Variants in ANKRD17 observed in about 807,000 individuals in gnomAD.
ANKRD17 encodes the protein ankyrin repeat domain-containing protein 17.
ANKRD17 carries 19 observed loss-of-function variants against 229.7 expected under a neutral mutation model. That is an observed-to-expected ratio of 0.08 (90% CI 0.06 to 0.12). ANKRD17 has a LOEUF of 0.12. ANKRD17 is among the 10% of genes least tolerant of loss of function. The probability of loss-of-function intolerance (pLI) is 1.00; values close to 1 mark genes in which losing one functional copy is unlikely to be tolerated. For missense variants in ANKRD17, 2,176 were observed against 3,176.8 expected (o/e 0.68, Z 7.57); for synonymous variants, 1,112 against 1,146.1 (o/e 0.97, Z 0.60).
intron 1 of ANKRD17, among the ~76,000 whole-genome samples, chr4:73,247,376 T>C (rs908611993): frequency 6.6e-6 from 1 of 152,010 alleles, no homozygotes; most frequent in Admixed American, 6.5e-5. Context: ...CAGGAATCCA[T>C]CCCAAAGAAA....
At chr4:73,241,647 A>G (rs1379387359) in intron 1 of ANKRD17, among the ~76,000 whole-genome samples, 1 of 151,796 alleles carries the variant, frequency 6.6e-6, no homozygotes, top group Non-Finnish European at 1.5e-5. Context: ...TAAGACTAAA[A>G]GGAAAAAGGA....
At position 73,118,867 on chromosome 4, in the gene ANKRD17, C is replaced by T; in HGVS notation, c.4026-17G>A. 1 of 1,452,788 alleles carries T rather than the reference C, an allele frequency of 6.9e-7. No individual in the cohort carries two copies. The highest frequency in any genetic ancestry group is 9.4e-7 in the Non-Finnish European group (1 of 1,059,362). 90.0% of individuals were successfully genotyped at this position (1,452,788 alleles called of 1,614,324 possible). On this transcript the variant is annotated splice_polypyrimidine_tract_variant and intron_variant, in intron 21 of 33. Transcript: ENST00000358602. The stretch of plus-strand genomic sequence containing the variant: ...TGAGCTCCCCTAAAAACCAATGACA[C>T]AGATAGCATTGTCTTTTTTTTTTTT...
intron 15 of ANKRD17, among the ~76,000 whole-genome samples, chr4:73,138,061 T>C (rs1578162201): frequency 6.6e-6 from 1 of 152,198 alleles, no homozygotes; most frequent in South Asian, 2.1e-4. Context: ...ATACATCCTT[T>C]AGTAGTTTCA....
At chr4:73,092,769 T>C (rs1722908590) in intron 28 of ANKRD17, among the ~76,000 whole-genome samples, 1 of 152,166 alleles carries the variant, frequency 6.6e-6, no homozygotes, top group South Asian at 2.1e-4. Context: ...GAAAACAGTA[T>C]TTTATTTTAA....
At chr4:73,198,990 G>C (rs974139122) in intron 1 of ANKRD17, among the ~76,000 whole-genome samples, 3 of 152,070 alleles carry the variant, frequency 2.0e-5, no homozygotes, top group Non-Finnish European at 2.9e-5. Flanking sequence ...ACTACTCTTT[G>C]GGAACAAATT....
intron 1 of ANKRD17, among the ~76,000 whole-genome samples, chr4:73,257,536 A>G (rs1745561910): frequency 6.6e-6 from 1 of 152,246 alleles, no homozygotes; most frequent in Non-Finnish European, 1.5e-5. Flanking sequence ...ATTCGAAGGC[A>G]TGTATGTATG....
At chr4:73,147,712 A>T (rs2148849065) in intron 8 of ANKRD17, among the ~76,000 whole-genome samples, 1 of 152,188 alleles carries the variant, frequency 6.6e-6, no homozygotes, top group Non-Finnish European at 1.5e-5. Context: ...AATAAGCTAC[A>T]TCCTCTCATT....
intron 1 of ANKRD17, among the ~76,000 whole-genome samples, chr4:73,182,339 C>T (rs975732849): frequency 2.0e-5 from 3 of 151,930 alleles, no homozygotes; most frequent in East Asian, 1.9e-4. Flanking sequence ...ATGCAAGAGG[C>T]GTAGAAATCA....
chr4:73,197,077 T>C (rs954241803), intron 1 of ANKRD17, among the ~76,000 whole-genome samples: 2 of 152,198 alleles, frequency 1.3e-5, no homozygotes, highest in Admixed American at 6.5e-5. Flanking sequence ...TTAGGACCTC[T>C]GAGCCACCAA....
At chr4:73,233,402 T>C (rs1170800057) in intron 1 of ANKRD17, among the ~76,000 whole-genome samples, 2 of 152,234 alleles carry the variant, frequency 1.3e-5, no homozygotes, top group Non-Finnish European at 2.9e-5. Flanking sequence ...TCTAGGTTGA[T>C]TCTAAAACAG....
chr4:73,220,999 A>G (rs897640753), intron 1 of ANKRD17, among the ~76,000 whole-genome samples: 1 of 152,138 alleles, frequency 6.6e-6, no homozygotes, highest in African/African-American at 2.4e-5. Flanking sequence ...AGAAAATGGT[A>G]CATTTATCTG....
At chr4:73,126,564 T>G (rs1471778584) in intron 16 of ANKRD17, among the ~76,000 whole-genome samples, 4 of 152,124 alleles carry the variant, frequency 2.6e-5, no homozygotes, top group African/African-American at 9.7e-5. Flanking sequence ...TACTGTGTAT[T>G]TTGAAAAACA....
intron 1 of ANKRD17, among the ~76,000 whole-genome samples, chr4:73,248,216 C>A (rs970117831): frequency 6.6e-6 from 1 of 151,932 alleles, no homozygotes; most frequent in Non-Finnish European, 1.5e-5. Context: ...AAAAATCGTA[C>A]ATACAGACCT....
chr4:73,197,266 A>G (rs564310344), intron 1 of ANKRD17, among the ~76,000 whole-genome samples: 2 of 152,326 alleles, frequency 1.3e-5, no homozygotes, highest in East Asian at 3.9e-4. Context: ...CATTATGAAA[A>G]TCAAGGCTTA....
chr4:73,212,536 C>T (rs968417367), intron 1 of ANKRD17, among the ~76,000 whole-genome samples: 2 of 151,618 alleles, frequency 1.3e-5, no homozygotes, highest in Non-Finnish European at 2.9e-5. Flanking sequence ...AGCTATCTCC[C>T]TTGACTTTAT....
In ANKRD17 at chr4:73,258,338, TGCCGCCGCCGCCACCTCCGCCTCCACC is replaced by T. The variant is rs746757275; in HGVS notation, c.304_330del (p.Gly102_Gly110del). ...TCTTCCTCGCTGTTGTTACTGCTGG[TGCCGCCGCCGCCACCTCCGCCTCCACC>T]GCCGCCTCCACCGCCGCCGCTGTTG... On this transcript the variant is annotated inframe_deletion, in exon 1 of 34. Transcript: ENST00000358602. 1 of 1,613,182 alleles carries T rather than the reference TGCCGCCGCCGCCACCTCCGCCTCCACC, an allele frequency of 6.2e-7. No homozygotes were observed. Among genetic ancestry groups the T allele is most frequent in the Non-Finnish European group, 8.5e-7 (1 of 1,179,846 alleles).
intron 16 of ANKRD17, among the ~76,000 whole-genome samples, chr4:73,128,682 A>AG (rs1268790962): frequency 2.6e-5 from 4 of 152,214 alleles, no homozygotes; most frequent in Non-Finnish European, 5.9e-5. Context: ...GGTTCAAACT[A>AG]GGAGACAAGC....
At chr4:73,136,014 A>C (rs1560574131) in intron 15 of ANKRD17, among the ~76,000 whole-genome samples, 1 of 152,194 alleles carries the variant, frequency 6.6e-6, no homozygotes, top group Admixed American at 6.5e-5. Context: ...TATTATTCTA[A>C]GTATGATGTT....
Position 73,125,437 on chromosome 4 carries a change from G to GAA in ANKRD17, c.3235-127_3235-126dup. ...TACCACTCTACAATATCAAGCATTT[G>GAA]AAAAGCAAGGTTTATGGACGGGCGT... On this transcript the variant is annotated intron_variant, in intron 16 of 33. Coordinates refer to ENST00000358602, the MANE Select transcript of ANKRD17 (RefSeq NM_032217.5). 4 of 759,892 alleles carry GAA rather than the reference G, an allele frequency of 5.3e-6. No homozygotes were observed. The South Asian group carries it at 5.7e-5, about 11-fold the overall frequency. The allele number at this position is 759,892 out of a possible 1,614,324, so 47.1% of individuals were successfully genotyped here.
Sources: allele counts gnomAD v4.1 joint callset (sites outside exome capture counted in the v4.1 genomes callset), GRCh38; gene constraint gnomAD v4.1.1; transcripts MANE v1.5; gene names NCBI Gene and HGNC (gene_info 2026-07-23, HGNC 2026-07-21).